Variants in MIPOL1 observed in about 807,000 individuals in gnomAD.
MIPOL1 encodes the protein mirror-image polydactyly 1.
MIPOL1 carries 57 observed loss-of-function variants against 60.9 expected under a neutral mutation model. That is an observed-to-expected ratio of 0.94 (90% CI 0.76 to 1.17). The LOEUF is 1.17. Ranked by LOEUF, MIPOL1 falls within the 50% of genes most tolerant of loss-of-function variation. The pLI, the probability that MIPOL1 is intolerant of heterozygous loss-of-function variation, is 0.00. For missense variants in MIPOL1, 551 were observed against 511.6 expected (o/e 1.08, Z -0.74); for synonymous variants, 179 against 168.8 (o/e 1.06, Z -0.47).
rs534560758 is a variant in MIPOL1 at position 37,467,926 on chromosome 14, C to A, written c.1032-31982C>A. ...AAAATTAGCCAGGTGTGGTGGTGTG[C>A]GCCTGTAATCCCAGCTACTCAGGAG... On this transcript the variant is annotated intron_variant, in intron 11 of 12. Transcript: ENST00000684589. Among the ~76,000 whole-genome samples the A allele has an allele frequency of 4.6e-5, 7 of 151,552 alleles. No individual in the cohort carries two copies. The East Asian group carries it at 1.2e-3, about 25-fold the overall frequency.
chr14:37,391,833 G>A (rs1013938294), intron 10 of MIPOL1, among the ~76,000 whole-genome samples: 1 of 152,096 alleles, frequency 6.6e-6, no homozygotes, highest in Admixed American at 6.6e-5. Flanking sequence ...CTGGAGAAGT[G>A]ATATATTTAT....
chr14:37,374,581 C>A (rs1000248777), intron 10 of MIPOL1, among the ~76,000 whole-genome samples: 11 of 152,006 alleles, frequency 7.2e-5, no homozygotes, highest in Admixed American at 3.9e-4. Context: ...AGGAAGGGGT[C>A]CAGTTTCAGT....
At chr14:37,276,369 T>G (rs2083661070) in intron 6 of MIPOL1, 1 of 151,094 alleles carries the variant, frequency 6.6e-6, no homozygotes, top group Non-Finnish European at 1.5e-5. Flanking sequence ...AAAGGATCAG[T>G]CACAGAATCC....
intron 12 of MIPOL1, among the ~76,000 whole-genome samples, chr14:37,510,526 T>C (rs2153623011): frequency 6.6e-6 from 1 of 152,230 alleles, no homozygotes; most frequent in Non-Finnish European, 1.5e-5. Context: ...TGTGAGACAC[T>C]GCACCAGGCA....
intron 11 of MIPOL1, among the ~76,000 whole-genome samples, chr14:37,483,502 G>A (rs151283479): frequency 5.3e-5 from 8 of 152,124 alleles, no homozygotes; most frequent in African/African-American, 1.9e-4. Context: ...GTATTCTAGG[G>A]CCAACTGTAT....
intron 12 of MIPOL1, among the ~76,000 whole-genome samples, chr14:37,537,513 C>T (rs2095511573): frequency 6.6e-6 from 1 of 152,078 alleles, no homozygotes; most frequent in Non-Finnish European, 1.5e-5. Flanking sequence ...AATCACAACC[C>T]ATTATTAAAT....
chr14:37,346,725 A>G (rs2090971833), intron 9 of MIPOL1, among the ~76,000 whole-genome samples: 1 of 152,184 alleles, frequency 6.6e-6, no homozygotes, highest in Admixed American at 6.6e-5. Flanking sequence ...TATTACTGTT[A>G]GAAGGAGTGA....
At chr14:37,216,131 A>G (rs930825038) in intron 1 of MIPOL1, among the ~76,000 whole-genome samples, 3 of 152,068 alleles carry the variant, frequency 2.0e-5, no homozygotes, top group South Asian at 4.1e-4. Context: ...AGAAACCAGA[A>G]AGGAGCTAGT....
intron 9 of MIPOL1, among the ~76,000 whole-genome samples, chr14:37,344,522 TG>T (rs1265584684): frequency 6.6e-6 from 1 of 152,048 alleles, no homozygotes; most frequent in East Asian, 1.9e-4. Context: ...ACTTTATAGG[TG>T]GTTTTGTGTT....
chr14:37,530,620 C>T (rs1413326040), intron 12 of MIPOL1, among the ~76,000 whole-genome samples: 3 of 152,014 alleles, frequency 2.0e-5, no homozygotes, highest in East Asian at 1.9e-4. Flanking sequence ...TATCTCAAGC[C>T]GTTCAAAGAT....
intron 11 of MIPOL1, among the ~76,000 whole-genome samples, chr14:37,477,890 C>T (rs144030915): frequency 2.0e-4 from 31 of 152,298 alleles, no homozygotes; most frequent in African/African-American, 6.5e-4. Flanking sequence ...TTGATCACTG[C>T]GTGTTTTTGT....
intron 12 of MIPOL1, among the ~76,000 whole-genome samples, chr14:37,508,447 A>G (rs2095299088): frequency 1.3e-5 from 2 of 152,182 alleles, no homozygotes; most frequent in South Asian, 2.1e-4. Flanking sequence ...ACTAAATTCA[A>G]TGGCTCATTT....
At chr14:37,511,423 G>C (rs1299017878) in intron 12 of MIPOL1, among the ~76,000 whole-genome samples, 2 of 152,144 alleles carry the variant, frequency 1.3e-5, no homozygotes, top group African/African-American at 4.8e-5. Flanking sequence ...TCGAGGTAAA[G>C]GGAACTAAAG....
At chr14:37,521,054 A>G (rs2095410056) in intron 12 of MIPOL1, among the ~76,000 whole-genome samples, 2 of 148,276 alleles carry the variant, frequency 1.3e-5, no homozygotes, top group South Asian at 4.2e-4. Flanking sequence ...CTCCTGCCTC[A>G]GCCTTCAGAG....
At chr14:37,296,263 A>T (rs1258790513) in intron 7 of MIPOL1, among the ~76,000 whole-genome samples, 1 of 152,246 alleles carries the variant, frequency 6.6e-6, no homozygotes, top group Non-Finnish European at 1.5e-5. Context: ...CAACGAGAAC[A>T]AAGAAACAAC....
At chr14:37,256,386 T>C (rs1402855498) in intron 3 of MIPOL1, among the ~76,000 whole-genome samples, 1 of 151,936 alleles carries the variant, frequency 6.6e-6, no homozygotes, top group Non-Finnish European at 1.5e-5. Context: ...ATATGGAGTA[T>C]GGATATTCTG....
chr14:37,432,548 A>T (rs2094090872), intron 11 of MIPOL1, among the ~76,000 whole-genome samples: 1 of 152,170 alleles, frequency 6.6e-6, no homozygotes, highest in Admixed American at 6.5e-5. Context: ...ATTTACACGG[A>T]TGTGGGTCAA....
chr14:37,451,643 G>A (rs1401447558), intron 11 of MIPOL1, among the ~76,000 whole-genome samples: 3 of 151,936 alleles, frequency 2.0e-5, no homozygotes, highest in African/African-American at 7.3e-5. Context: ...ATTTATGATA[G>A]AAAAAGCATT....
intron 12 of MIPOL1, among the ~76,000 whole-genome samples, chr14:37,537,357 A>T (rs1389151571): frequency 6.6e-6 from 1 of 152,166 alleles, no homozygotes; most frequent in African/African-American, 2.4e-5. Context: ...GATATAAGTC[A>T]TAGTTGATAG....
Sources: gnomAD v4.1 joint callset for allele counts (sites outside exome capture counted in the v4.1 genomes callset) on GRCh38, gnomAD v4.1.1 for gene constraint, MANE v1.5 for transcripts, NCBI Gene and HGNC (gene_info 2026-07-23, HGNC 2026-07-21) for gene names.